Variants in EPHX2 observed in about 807,000 individuals in gnomAD.
EPHX2 encodes the protein bifunctional epoxide hydrolase 2.
EPHX2 carries 74 observed loss-of-function variants against 78.7 expected under a neutral mutation model. The ratio of observed to expected loss-of-function variants is 0.94; its 90% CI spans 0.78 to 1.14. The LOEUF (loss-of-function observed/expected upper bound fraction) is 1.14, where lower values mean the gene tolerates loss of function less well. EPHX2 is among the 50% of genes most tolerant of loss of function. The pLI, the probability that EPHX2 is intolerant of heterozygous loss-of-function variation, is 0.00. For missense variants in EPHX2, 715 were observed against 702.5 expected, an observed-to-expected ratio of 1.02 and a Z score of -0.20; for synonymous variants, 251 against 255.2, an observed-to-expected ratio of 0.98 and a Z score of 0.16.
intron 6 of EPHX2, among the ~76,000 whole-genome samples, chr8:27,514,815 G>A (rs916376484): frequency 6.6e-6 from 1 of 152,106 alleles, no homozygotes; most frequent in Non-Finnish European, 1.5e-5. Context: ...GACTGTAGGA[G>A]GGGGAGGTGC....
intron 9 of EPHX2, 74 bp from the exon 10 acceptor site, chr8:27,520,809 A>G: frequency 6.3e-7 from 1 of 1,585,346 alleles, no homozygotes; most frequent in Non-Finnish European, 8.7e-7. Flanking sequence ...GGGAGGACGC[A>G]GTTCAGCCCA....
Position 27,503,631 on chromosome 8 carries a change from A to T in EPHX2, c.214A>T (p.Arg72Trp). 1 of 1,612,978 alleles carries T rather than the reference A, an allele frequency of 6.2e-7. No homozygotes were observed. Reference protein sequence around the residue: ...QWIPLMEENCRKCSETAKVCL... With the variant: ...QWIPLMEENCWKCSETAKVCL... ...GATACCACTCATGGAAGAAAACTGC[A>T]GGAAGTGCTCCGAGACCGCTAAAGT... is the stretch of plus-strand genomic sequence containing the variant. Residue 72 changes from arginine to tryptophan, a missense_variant, in exon 3 of 19, where the codon AGG becomes TGG. Transcript: ENST00000521400.
At chr8:27,498,654 C>T (rs1397291482) in intron 1 of EPHX2, among the ~76,000 whole-genome samples, 2 of 152,134 alleles carry the variant, frequency 1.3e-5, no homozygotes, top group Non-Finnish European at 2.9e-5. Flanking sequence ...ACTTTTGCAT[C>T]ACAGCACATA....
chr8:27,527,794 C>A (rs951582435), intron 12 of EPHX2, among the ~76,000 whole-genome samples: 5 of 152,172 alleles, frequency 3.3e-5, no homozygotes. Context: ...GGTCATCTGT[C>A]AATGGGTTAC....
rs141410739 is a variant in EPHX2, at chr8:27,528,920, C to T, written c.1170+3447C>T. Among the ~76,000 whole-genome samples, 1,178 of 152,262 alleles carry T rather than the reference C, an allele frequency of 7.7e-3. 14 individuals carry two copies. The highest frequency in any genetic ancestry group is 0.027 in the African/African-American group (1,128 of 41,526). On this transcript the variant is annotated intron_variant, in intron 12 of 18. Coordinates refer to ENST00000521400, the MANE Select transcript of EPHX2 (RefSeq NM_001979.6). ...AAGCGATTCTCCTGCCTCAGCCTCC[C>T]GAGTAGCTGGGATTACAGGCACCCA...
intron 12 of EPHX2, among the ~76,000 whole-genome samples, chr8:27,526,449 G>A (rs982203257): frequency 3.3e-5 from 5 of 152,198 alleles, no homozygotes; most frequent in Non-Finnish European, 2.9e-5. Context: ...GGGAATCCAC[G>A]AGCTTCCTTT....
At chr8:27,511,660 G>A (rs1382644215) in intron 5 of EPHX2, among the ~76,000 whole-genome samples, 176 bp from the exon 6 acceptor site, 1 of 152,236 alleles carries the variant, frequency 6.6e-6, no homozygotes, top group Admixed American at 6.5e-5. Flanking sequence ...GCAGGAGGGA[G>A]AATGGAGTCT....
chr8:27,502,098 G>T (rs1290253755), intron 2 of EPHX2, among the ~76,000 whole-genome samples: 1 of 152,126 alleles, frequency 6.6e-6, no homozygotes, highest in Non-Finnish European at 1.5e-5. Flanking sequence ...ACCCCGCTCT[G>T]GATACCATCC....
At chr8:27,516,218 G>T (rs1814446095) in intron 7 of EPHX2, 102 bp from the exon 8 acceptor site, 4 of 1,198,464 alleles carry the variant, frequency 3.3e-6, no homozygotes, top group Admixed American at 1.8e-5. Context: ...GTGGCTCTTG[G>T]TTTGATCCAT....
chr8:27,494,989 G>A (rs1022089074), intron 1 of EPHX2, among the ~76,000 whole-genome samples: 1 of 152,222 alleles, frequency 6.6e-6, no homozygotes, highest in African/African-American at 2.4e-5. Flanking sequence ...CTAATGGGAG[G>A]TTCCACCTGG....
intron 9 of EPHX2, among the ~76,000 whole-genome samples, chr8:27,520,311 G>A (rs552658945): frequency 6.6e-5 from 10 of 151,490 alleles, no homozygotes; most frequent in African/African-American, 2.2e-4. Flanking sequence ...GATTACAGGC[G>A]CCGGCCACCG....
chr8:27,541,311 G>A (rs990666169), intron 15 of EPHX2, among the ~76,000 whole-genome samples, 162 bp from the exon 16 acceptor site: 7 of 152,224 alleles, frequency 4.6e-5, no homozygotes, highest in African/African-American at 1.7e-4. Context: ...TGGCAACTGC[G>A]CCCGACAGCA....
rs774526013 is a variant in EPHX2, at chr8:27,525,501, G to A, written c.1170+28G>A. 5 of 1,566,816 alleles carry A rather than the reference G, an allele frequency of 3.2e-6. No homozygotes were observed. In the South Asian group the frequency reaches 4.4e-5, roughly 14 times the overall value. ...AAGTATGGCACCAAGGGCAACAATG[G>A]GAGCATTAGTGTTTGCCTTTCCCCT... On this transcript the variant is annotated intron_variant, in intron 12 of 18. Transcript: ENST00000521400.
intron 5 of EPHX2, among the ~76,000 whole-genome samples, chr8:27,510,824 C>T (rs1344474461): frequency 6.6e-6 from 1 of 151,956 alleles, no homozygotes; most frequent in East Asian, 1.9e-4. Flanking sequence ...TAGTGCACAC[C>T]TATAGTCCCA....
intron 4 of EPHX2, among the ~76,000 whole-genome samples, chr8:27,505,735 G>GGGCTGGTGACC (rs1337711800): frequency 6.6e-6 from 1 of 152,142 alleles, no homozygotes; most frequent in African/African-American, 2.4e-5. Context: ...TCACCATGCT[G>GGGCTGGTGACC]CATCCTGGGA....
intron 5 of EPHX2, among the ~76,000 whole-genome samples, chr8:27,511,594 C>G (rs1814247565): frequency 6.6e-6 from 1 of 152,182 alleles, no homozygotes; most frequent in Non-Finnish European, 1.5e-5. Flanking sequence ...AGGCTGCACT[C>G]TTCCATCTGC....
intron 10 of EPHX2, among the ~76,000 whole-genome samples, chr8:27,521,703 C>T (rs1474813519): frequency 2.0e-5 from 3 of 152,206 alleles, no homozygotes; most frequent in Admixed American, 2.0e-4. Context: ...CAGGGCATGG[C>T]CCAGAGTGGC....
chr8:27,517,109 C>T (rs1194104998), intron 8 of EPHX2, among the ~76,000 whole-genome samples: 2 of 151,644 alleles, frequency 1.3e-5, no homozygotes, highest in African/African-American at 4.8e-5. Flanking sequence ...TAGTAGAGAC[C>T]CACTTTGCTG....
Position 27,524,016 on chromosome 8 carries a change from T to C in EPHX2, c.1059-1346T>C, listed in dbSNP as rs1024172873. On this transcript the variant is annotated intron_variant, in intron 11 of 18. Coordinates refer to ENST00000521400, the MANE Select transcript of EPHX2 (RefSeq NM_001979.6). The stretch of plus-strand genomic sequence containing the variant: ...GGTGCAACCTTGGCTTACTGCAACC[T>C]CTACCTTCTGGGTTCAAGTGATTCT... 2.0e-5 allele frequency among the ~76,000 whole-genome samples: 3 copies of C among 150,912 alleles called. 1 individual carries two copies. The Admixed American group carries it at 2.0e-4, about 10-fold the overall frequency.
Sources: allele counts gnomAD v4.1 joint callset (sites outside exome capture counted in the v4.1 genomes callset), GRCh38; gene constraint gnomAD v4.1.1; transcripts MANE v1.5; gene names NCBI Gene and HGNC (gene_info 2026-07-23, HGNC 2026-07-21).